Variants in TCEA1 observed in about 807,000 individuals in gnomAD.
TCEA1 encodes transcription elongation factor A1.
In TCEA1, 21 loss-of-function variants were observed where a neutral mutation model predicts 43.8. The ratio of observed to expected loss-of-function variants is 0.48; its 90% CI spans 0.34 to 0.69. The LOEUF (loss-of-function observed/expected upper bound fraction) is 0.69, where lower values mean the gene tolerates loss of function less well. Ranked by LOEUF, TCEA1 falls within the 30% of genes least tolerant of loss-of-function variation. The probability of loss-of-function intolerance (pLI) is 0.01; values close to 1 mark genes in which losing one functional copy is unlikely to be tolerated. For synonymous variants in TCEA1, 104 were observed against 117.5 expected (o/e 0.88, Z 0.75); for missense variants, 250 against 365.1 (o/e 0.68, Z 2.57).
At chr8:53,977,816 A>G (rs1803378836) in intron 8 of TCEA1, among the ~76,000 whole-genome samples, 1 of 152,230 alleles carries the variant, frequency 6.6e-6, no homozygotes, top group African/African-American at 2.4e-5. Flanking sequence ...TAAGTTATCA[A>G]TATTACAAAA....
chr8:54,021,923 C>T (rs1028772743), intron 1 of TCEA1, 140 bp downstream of exon 1: 4 of 793,952 alleles, frequency 5.0e-6, no homozygotes, highest in African/African-American at 3.7e-5. Context: ...ACACCCTCCC[C>T]GGGGACGCGG....
chr8:53,988,613 G>T (rs941779742), intron 4 of TCEA1, among the ~76,000 whole-genome samples: 2 of 152,130 alleles, frequency 1.3e-5, no homozygotes, highest in African/African-American at 2.4e-5. Context: ...GATGGGACCA[G>T]AGAATGACAG....
chr8:53,981,049 A>T (rs1372658739), intron 7 of TCEA1, among the ~76,000 whole-genome samples: 1 of 152,200 alleles, frequency 6.6e-6, no homozygotes, highest in Non-Finnish European at 1.5e-5. Context: ...CCTAATCCAG[A>T]AAAAGGCCTT....
intron 8 of TCEA1, chr8:53,972,718 G>A (rs769767930): frequency 3.0e-6 from 2 of 676,166 alleles, no homozygotes; most frequent in African/African-American, 1.8e-5. Flanking sequence ...TGGACCTCTA[G>A]AGAAAAACTG....
chr8:53,994,870 CA>C (rs797017722), intron 3 of TCEA1, among the ~76,000 whole-genome samples: 50 of 131,242 alleles, frequency 3.8e-4, no homozygotes, highest in Admixed American at 5.3e-4. Context: ...GACTCTGTCT[CA>C]AAAAAAAAAA....
At chr8:53,971,022 A>G (rs926076985) in intron 8 of TCEA1, among the ~76,000 whole-genome samples, 1 of 152,232 alleles carries the variant, frequency 6.6e-6, no homozygotes, top group Admixed American at 6.5e-5. Context: ...TTTAAAGAGT[A>G]TAATTTTATA....
At chr8:54,015,687 C>T (rs1804797277) in intron 1 of TCEA1, among the ~76,000 whole-genome samples, 1 of 152,076 alleles carries the variant, frequency 6.6e-6, no homozygotes, top group South Asian at 2.1e-4. Context: ...AGACAGACAA[C>T]CCACAGAATG....
At chr8:53,979,222 T>C in intron 7 of TCEA1, 51 bp from the exon 8 acceptor site, 1 of 1,498,530 alleles carries the variant, frequency 6.7e-7, no homozygotes, top group South Asian at 1.4e-5. Context: ...TCTATATATA[T>C]CCTGAATGCT....
At chr8:53,984,314 T>C (rs770665401) in intron 7 of TCEA1, 49 bp downstream of exon 7, 1 of 1,527,410 alleles carries the variant, frequency 6.5e-7, no homozygotes, top group East Asian at 2.3e-5. Context: ...GCTTTACACT[T>C]CACAACACAG....
chr8:54,000,157 T>G, intron 2 of TCEA1, 107 bp from the exon 3 acceptor site: 1 of 711,734 alleles, frequency 1.4e-6, no homozygotes, highest in Admixed American at 3.2e-5. Flanking sequence ...ATTTTAGAAT[T>G]TCAAAACTTC....
chr8:53,983,964 G>A (rs372840677), intron 7 of TCEA1, among the ~76,000 whole-genome samples: 1 of 152,140 alleles, frequency 6.6e-6, no homozygotes, highest in African/African-American at 2.4e-5. Flanking sequence ...GCTGGGTGTG[G>A]TGGTGCACGC....
At position 54,006,273 on chromosome 8, in the gene TCEA1, G is replaced by A. The variant is rs568503434; in HGVS notation, c.126+4157C>T. ...ATTTAAGTTCAATGAGGAGGGAAAG[G>A]CCTTATCTTATTCATCTTTATAAAC... On this transcript the variant is annotated intron_variant, in intron 2 of 9. Transcript: ENST00000521604. Among the ~76,000 whole-genome samples, 17 of 152,192 alleles carry A rather than the reference G, an allele frequency of 1.1e-4. No individual in the cohort carries two copies. In the South Asian group the frequency reaches 3.5e-3, roughly 32 times the overall value.
chr8:53,997,446 G>A (rs7824355), intron 3 of TCEA1, among the ~76,000 whole-genome samples: 25,672 of 152,050 alleles, frequency 0.17, 6,136 homozygotes, highest in African/African-American at 0.54. Flanking sequence ...TATACAGTGT[G>A]GCTTTGACTA....
chr8:54,006,432 T>TGG (rs1804462066), intron 2 of TCEA1, among the ~76,000 whole-genome samples: 1 of 151,946 alleles, frequency 6.6e-6, no homozygotes, highest in African/African-American at 2.4e-5. Context: ...TGAGCCGAGA[T>TGG]CGTGCCATTG....
At chr8:53,970,358 T>C in intron 9 of TCEA1, 34 bp downstream of exon 9, 1 of 1,384,810 alleles carries the variant, frequency 7.2e-7, no homozygotes. Flanking sequence ...CTATTTTAAG[T>C]GAGTATATAA....
chr8:53,981,715 C>T (rs977225431), intron 7 of TCEA1, among the ~76,000 whole-genome samples: 5 of 151,404 alleles, frequency 3.3e-5, no homozygotes, highest in Non-Finnish European at 7.4e-5. Flanking sequence ...CTAACAACAA[C>T]ATTGATTCTG....
chr8:54,005,345 ACT>A (rs1804405972), intron 2 of TCEA1, among the ~76,000 whole-genome samples: 1 of 152,134 alleles, frequency 6.6e-6, no homozygotes, highest in Non-Finnish European at 1.5e-5. Flanking sequence ...ATCAGTCAAC[ACT>A]CACATCAGAA....
At chr8:54,017,726 G>A (rs1312866131) in intron 1 of TCEA1, among the ~76,000 whole-genome samples, 1 of 152,196 alleles carries the variant, frequency 6.6e-6, no homozygotes, top group Non-Finnish European at 1.5e-5. Flanking sequence ...GTGGAGACCA[G>A]CCTGAGAAAA....
Position 53,979,098 on chromosome 8 carries a change from G to C in TCEA1, c.752C>G (p.Ala251Gly). The C allele has an allele frequency of 6.2e-7, 1 of 1,613,680 alleles. No individual in the cohort carries two copies. The highest frequency in any genetic ancestry group is 1.1e-5 in the South Asian group (1 of 91,042). ...TKEAIREHQM[A>G]KTGGTQTDLF... ...GTCAGTCTGGGTCCCACCAGTCTTG[G>C]CCATCTGATGCTCTCTGATGGCTTC... The change falls in exon 8 of 10, where the codon GCC becomes GGC. Residue 251 changes from alanine (A) to glycine (G), a missense_variant. Coordinates refer to ENST00000521604, the MANE Select transcript of TCEA1 (RefSeq NM_006756.4).
Sources: gnomAD v4.1 joint callset for allele counts (sites outside exome capture counted in the v4.1 genomes callset) on GRCh38, gnomAD v4.1.1 for gene constraint, MANE v1.5 for transcripts, NCBI Gene and HGNC (gene_info 2026-07-23, HGNC 2026-07-21) for gene names.